The following GRID2 variants were observed in gnomAD, a reference collection of about 807,000 sequenced individuals.
The protein encoded by GRID2 is glutamate receptor ionotropic, delta-2.
A neutral mutation model predicts 114.8 loss-of-function variants in GRID2; 33 were observed. That is an observed-to-expected ratio of 0.29 (90% CI 0.22 to 0.38). The LOEUF is 0.38. Among genes scored for constraint, GRID2 ranks in the 10% least tolerant of loss-of-function variants. The probability of loss-of-function intolerance (pLI) is 1.00; values close to 1 mark genes in which losing one functional copy is unlikely to be tolerated. For synonymous variants in GRID2, 505 were observed against 449.9 expected (o/e 1.12, Z -1.55); for missense variants, 1,184 against 1,257.7 (o/e 0.94, Z 0.89).
At position 92,799,508 on chromosome 4, in the gene GRID2, T is replaced by C. The variant is rs141744716; in HGVS notation, c.244+209222T>C. Among the ~76,000 whole-genome samples, 153 of 152,120 alleles carry C rather than the reference T, an allele frequency of 1.0e-3. 1 individual carries two copies. The highest frequency in any genetic ancestry group is 2.0e-3 in the Admixed American group (31 of 15,270). ...AGCACTTTGGGATTCTTCTGAGGCC[T>C]TTCTTTTTGGCTTGCAGGTAGCCTC... is the stretch of plus-strand genomic sequence containing the variant. On this transcript the variant is annotated intron_variant, in intron 2 of 15. Coordinates refer to ENST00000282020, the MANE Select transcript of GRID2 (RefSeq NM_001510.4).
At chr4:93,338,979 C>G (rs1417737971) in intron 8 of GRID2, among the ~76,000 whole-genome samples, 1 of 152,102 alleles carries the variant, frequency 6.6e-6, no homozygotes, top group Admixed American at 6.6e-5. Context: ...TTTCTTGAAT[C>G]ACTTGCTTTA....
At chr4:93,008,934 C>G (rs536308102) in intron 2 of GRID2, among the ~76,000 whole-genome samples, 1 of 152,116 alleles carries the variant, frequency 6.6e-6, no homozygotes, top group South Asian at 2.1e-4. Flanking sequence ...TGCCTAATGT[C>G]CTTGGATCAC....
intron 14 of GRID2, among the ~76,000 whole-genome samples, chr4:93,688,242 A>C (rs1366139477): frequency 6.6e-6 from 1 of 151,930 alleles, no homozygotes; most frequent in African/African-American, 2.4e-5. Flanking sequence ...GTGAGGTTAC[A>C]GTGTAAATCT....
intron 14 of GRID2, among the ~76,000 whole-genome samples, chr4:93,635,208 A>G (rs1721305289): frequency 6.6e-6 from 1 of 151,144 alleles, no homozygotes; most frequent in Admixed American, 6.6e-5. Flanking sequence ...ATGTGTGTAT[A>G]TATATACCAC....
At chr4:92,526,787 G>T (rs563947490) in intron 1 of GRID2, among the ~76,000 whole-genome samples, 1 of 151,846 alleles carries the variant, frequency 6.6e-6, no homozygotes, top group East Asian at 1.9e-4. Context: ...TAAGTCATAG[G>T]TTTGACTTAT....
Position 93,661,471 on chromosome 4 carries a change from GTCTTATGGAGAAAATATGTGTGT to G in GRID2, c.2360+35039_2360+35061del, listed in dbSNP as rs1212855197. Among the ~76,000 whole-genome samples, 6 of 152,276 alleles carry G rather than the reference GTCTTATGGAGAAAATATGTGTGT, an allele frequency of 3.9e-5. 1 individual carries two copies. Among genetic ancestry groups the G allele is most frequent in the African/African-American group, 1.4e-4 (6 of 41,544 alleles). ...CCTAAGTGCAAGAAGGCTGTGGTGT[GTCTTATGGAGAAAATATGTGTGT>G]TCAATAAGCTCATTCGCACTTGAAT... On this transcript the variant is annotated intron_variant, in intron 14 of 15. Coordinates refer to ENST00000282020, the MANE Select transcript of GRID2 (RefSeq NM_001510.4).
intron 2 of GRID2, among the ~76,000 whole-genome samples, chr4:92,985,956 G>C (rs529038660): frequency 7.2e-5 from 11 of 152,228 alleles, no homozygotes; most frequent in African/African-American, 2.4e-4. Context: ...TCAATTCACC[G>C]TCTGCTTAAT....
intron 9 of GRID2, among the ~76,000 whole-genome samples, chr4:93,410,624 C>T (rs1767019455): frequency 6.6e-6 from 1 of 152,188 alleles, no homozygotes; most frequent in Admixed American, 6.5e-5. Context: ...ACTCTTGTTG[C>T]CCCAACTGGA....
intron 2 of GRID2, among the ~76,000 whole-genome samples, chr4:92,930,372 C>CA (rs1750134156): frequency 6.6e-6 from 1 of 151,104 alleles, no homozygotes; most frequent in African/African-American, 2.4e-5. Context: ...TAATAAAAGT[C>CA]AAAACATTTG....
chr4:92,484,719 T>G (rs148939311), intron 1 of GRID2, among the ~76,000 whole-genome samples: 12 of 152,186 alleles, frequency 7.9e-5, no homozygotes, highest in African/African-American at 2.9e-4. Context: ...TCAGTAGATA[T>G]TGAGATAGTA....
At chr4:93,121,291 A>T (rs1733762939) in intron 4 of GRID2, among the ~76,000 whole-genome samples, 1 of 152,192 alleles carries the variant, frequency 6.6e-6, no homozygotes, top group South Asian at 2.1e-4. Context: ...GAAACAGAAC[A>T]TAACTAGCAT....
At chr4:92,409,209 G>A (rs368583238) in intron 1 of GRID2, among the ~76,000 whole-genome samples, 83 of 152,182 alleles carry the variant, frequency 5.5e-4, no homozygotes, top group South Asian at 5.2e-3. Context: ...AGCTTTTCAC[G>A]TGTATTTTGG....
intron 5 of GRID2, among the ~76,000 whole-genome samples, chr4:93,210,360 G>A (rs1168051940): frequency 6.6e-6 from 1 of 151,970 alleles, no homozygotes; most frequent in Non-Finnish European, 1.5e-5. Context: ...TTTCCCCATT[G>A]CTTATTGTTG....
chr4:93,311,728 G>C (rs1294521260), intron 8 of GRID2, among the ~76,000 whole-genome samples: 1 of 152,186 alleles, frequency 6.6e-6, no homozygotes, highest in Non-Finnish European at 1.5e-5. Context: ...GGATGAACAG[G>C]AGAGGGTAAG....
intron 9 of GRID2, among the ~76,000 whole-genome samples, chr4:93,408,531 G>A (rs559227338): frequency 4.3e-4 from 66 of 152,126 alleles, no homozygotes; most frequent in African/African-American, 1.5e-3. Context: ...ATATTTTCCA[G>A]TAAATTATAG....
intron 2 of GRID2, among the ~76,000 whole-genome samples, chr4:93,042,199 G>A (rs1019605816): frequency 8.0e-5 from 12 of 150,438 alleles, no homozygotes; most frequent in Non-Finnish European, 1.2e-4. Context: ...CACTGCACCC[G>A]GCCGAAATAT....
chr4:93,250,157 A>G (rs1208149752), intron 8 of GRID2, among the ~76,000 whole-genome samples: 1 of 152,216 alleles, frequency 6.6e-6, no homozygotes, highest in Non-Finnish European at 1.5e-5. Flanking sequence ...ATGCAATACT[A>G]TGCAGCCATA....
chr4:93,587,777 AT>A (rs1298098432), intron 13 of GRID2, among the ~76,000 whole-genome samples: 1 of 152,102 alleles, frequency 6.6e-6, no homozygotes, highest in African/African-American at 2.4e-5. Flanking sequence ...CCCTGTTATA[AT>A]TTTATGAGTA....
chr4:93,018,420 T>C (rs964516196), intron 2 of GRID2, among the ~76,000 whole-genome samples: 17 of 152,284 alleles, frequency 1.1e-4, no homozygotes, highest in Middle Eastern at 3.4e-3. Flanking sequence ...TTTGGCTTTA[T>C]GCTTGGTGAG....
Sources: gnomAD v4.1 joint callset for allele counts (sites outside exome capture counted in the v4.1 genomes callset) on GRCh38, gnomAD v4.1.1 for gene constraint, MANE v1.5 for transcripts, NCBI Gene and HGNC (gene_info 2026-07-23, HGNC 2026-07-21) for gene names.